The following ADGRL2 variants were observed in gnomAD, a reference collection of about 807,000 sequenced individuals.
ADGRL2 encodes adhesion G protein-coupled receptor L2, also known as calcium-independent alpha-latrotoxin receptor 2.
In ADGRL2, 44 loss-of-function variants were observed where a neutral mutation model predicts 157.4. The ratio of observed to expected loss-of-function variants is 0.28; its 90% confidence interval spans 0.22 to 0.36. ADGRL2 has a LOEUF of 0.36. ADGRL2 is among the 10% of genes least tolerant of loss of function. The pLI is 1.00. For missense variants in ADGRL2, 1,510 were observed against 1,768.9 expected (o/e 0.85, Z 2.63); for synonymous variants, 585 against 624.7 (o/e 0.94, Z 0.95).
At chr1:81,917,454 C>T (rs2094882765) in intron 3 of ADGRL2, among the ~76,000 whole-genome samples, 2 of 150,392 alleles carry the variant, frequency 1.3e-5, no homozygotes, top group African/African-American at 4.9e-5. Flanking sequence ...GTTTATTACT[C>T]CACTATTAGT....
intron 2 of ADGRL2, among the ~76,000 whole-genome samples, chr1:81,478,004 T>G (rs2078307721): frequency 6.6e-6 from 1 of 152,048 alleles, no homozygotes; most frequent in South Asian, 2.1e-4. Context: ...AAGAGAGCAT[T>G]TTTTGTATAT....
chr1:81,796,476 G>T (rs1201571975), upstream of ADGRL2, among the ~76,000 whole-genome samples: 2 of 152,156 alleles, frequency 1.3e-5, no homozygotes, highest in African/African-American at 2.4e-5. Context: ...TTCTCAAGAT[G>T]CAGAGATTAA....
intron 3 of ADGRL2, among the ~76,000 whole-genome samples, chr1:81,622,020 C>T (rs570046201): frequency 1.3e-5 from 2 of 152,290 alleles, no homozygotes; most frequent in African/African-American, 4.8e-5. Flanking sequence ...ATTTGAAGTC[C>T]TATCCAATTC....
chr1:81,409,606 C>G (rs1192267251), intron 1 of ADGRL2, among the ~76,000 whole-genome samples: 1 of 152,132 alleles, frequency 6.6e-6, no homozygotes, highest in African/African-American at 2.4e-5. Context: ...GTATTGAAAA[C>G]AATTACTGTT....
chr1:81,668,397 C>T (rs1003887993), intron 3 of ADGRL2, among the ~76,000 whole-genome samples: 5 of 145,352 alleles, frequency 3.4e-5, no homozygotes, highest in Non-Finnish European at 7.5e-5. Flanking sequence ...TGCAGCCTGG[C>T]GACAGAGTAA....
At chr1:81,833,142 A>G (rs1280476754) in intron 1 of ADGRL2, among the ~76,000 whole-genome samples, 1 of 152,182 alleles carries the variant, frequency 6.6e-6, no homozygotes. Flanking sequence ...TGCAAATAAG[A>G]TCTGAGACTG....
intron 23 of ADGRL2, chr1:81,989,596 A>T: frequency 6.9e-7 from 1 of 1,451,876 alleles, no homozygotes; most frequent in Non-Finnish European, 9.6e-7. Flanking sequence ...TAAGTTGCTG[A>T]GAAGCTTAGA....
intron 1 of ADGRL2, among the ~76,000 whole-genome samples, chr1:81,338,307 GA>G (rs1661800953): frequency 6.6e-6 from 1 of 152,144 alleles, no homozygotes; most frequent in Admixed American, 6.5e-5. Context: ...AAGTTGCAGT[GA>G]GCCAAGATGG....
intron 20 of ADGRL2, 69 bp from the exon 21 acceptor site, chr1:81,985,190 T>C (rs1662801478): frequency 2.4e-6 from 2 of 846,544 alleles, no homozygotes; most frequent in Non-Finnish European, 3.8e-6. Context: ...TAAATCCTTG[T>C]ATGTCTTTAA....
chr1:81,804,985 AAAG>A (rs1404028703), intron 1 of ADGRL2, among the ~76,000 whole-genome samples: 20 of 152,222 alleles, frequency 1.3e-4, no homozygotes, highest in Non-Finnish European at 2.2e-4. Context: ...TCTGTTGCAA[AAAG>A]AAGCTTGGAA....
At chr1:81,536,755 C>G (rs2079747977) in intron 2 of ADGRL2, among the ~76,000 whole-genome samples, 1 of 152,138 alleles carries the variant, frequency 6.6e-6, no homozygotes, top group Non-Finnish European at 1.5e-5. Context: ...TTAAATTGGT[C>G]TGTTCTATAA....
intron 2 of ADGRL2, among the ~76,000 whole-genome samples, chr1:81,507,775 A>C (rs1007622054): frequency 6.6e-6 from 1 of 152,238 alleles, no homozygotes; most frequent in Non-Finnish European, 1.5e-5. Flanking sequence ...AATAATTCAG[A>C]AAAGGTAGAA....
intron 2 of ADGRL2, among the ~76,000 whole-genome samples, chr1:81,858,717 A>T (rs1372647690): frequency 6.6e-6 from 1 of 152,188 alleles, no homozygotes; most frequent in Non-Finnish European, 1.5e-5. Context: ...ACTCTAAAAA[A>T]TGATAGCAAG....
At chr1:81,694,930 G>A (rs9730374), upstream of ADGRL2, among the ~76,000 whole-genome samples, 1,517 of 152,040 alleles carry the variant, frequency 1.0e-2, 30 homozygotes, top group African/African-American at 0.035. Flanking sequence ...ATCCCTTTTA[G>A]TAGTATGTGT....
chr1:81,790,726 T>C (rs540977567), intron 2 of ADGRL2, among the ~76,000 whole-genome samples: 4 of 152,210 alleles, frequency 2.6e-5, no homozygotes, highest in African/African-American at 9.6e-5. Flanking sequence ...AAAAGGTCAC[T>C]GTTCTTCAAA....
intron 1 of ADGRL2, among the ~76,000 whole-genome samples, chr1:81,334,196 CCA>C (rs1349225019): frequency 6.6e-6 from 1 of 152,200 alleles, no homozygotes; most frequent in African/African-American, 2.4e-5. Flanking sequence ...TCTGGTTCTA[CCA>C]CTTGCCAGCT....
At chr1:81,370,610 T>A (rs979155684) in intron 1 of ADGRL2, among the ~76,000 whole-genome samples, 1 of 152,090 alleles carries the variant, frequency 6.6e-6, no homozygotes, top group Admixed American at 6.6e-5. Context: ...GAAGACCCCC[T>A]CCCCTACAAA....
At chr1:81,378,893 A>T (rs2076297327) in intron 1 of ADGRL2, among the ~76,000 whole-genome samples, 1 of 152,202 alleles carries the variant, frequency 6.6e-6, no homozygotes, top group Admixed American at 6.6e-5. Flanking sequence ...CAGGTTTACA[A>T]TACCCTTCCT....
chr1:81,535,387 C>G (rs1012940754), intron 2 of ADGRL2, among the ~76,000 whole-genome samples: 1 of 151,878 alleles, frequency 6.6e-6, no homozygotes, highest in Non-Finnish European at 1.5e-5. Context: ...GATTATGACC[C>G]TTATCTCATG....
Sources: gnomAD v4.1 joint callset for allele counts (sites outside exome capture counted in the v4.1 genomes callset) on GRCh38, gnomAD v4.1.1 for gene constraint, MANE v1.5 for transcripts, NCBI Gene and HGNC (gene_info 2026-07-23, HGNC 2026-07-21) for gene names.